Variants in MAGI2 observed in about 807,000 individuals in gnomAD.
The protein encoded by MAGI2 is membrane associated guanylate kinase, WW and PDZ domain containing 2.
MAGI2 carries 35 observed loss-of-function variants against 133.3 expected under a neutral mutation model. The observed-to-expected ratio is 0.26, with a 90% CI of 0.20 to 0.35. The LOEUF (loss-of-function observed/expected upper bound fraction) is 0.35, where lower values mean the gene tolerates loss of function less well. Ranked by LOEUF, MAGI2 falls within the 10% of genes least tolerant of loss-of-function variation. The probability of loss-of-function intolerance (pLI) is 1.00; values close to 1 mark genes in which losing one functional copy is unlikely to be tolerated. For synonymous variants in MAGI2, 729 were observed against 710.6 expected (o/e 1.03, Z -0.41); for missense variants, 1,636 against 1,863.4 (o/e 0.88, Z 2.25).
In MAGI2 at chr7:79,196,912, C is replaced by T. The variant is rs372618129; in HGVS notation, c.302-189706G>A. ...CCTCCCAAGTAGCTGGGACTACAGG[C>T]TCACACCACCATGCCTAGTTAATTT... On this transcript the variant is annotated intron_variant, in intron 1 of 21. Coordinates refer to ENST00000354212, the MANE Select transcript of MAGI2 (RefSeq NM_012301.4). Among the ~76,000 whole-genome samples, 532 of 151,902 alleles carry T rather than the reference C, an allele frequency of 3.5e-3. 9 individuals are homozygous for T. Among genetic ancestry groups the T allele is most frequent in the African/African-American group, 0.012 (516 of 41,290 alleles).
intron 1 of MAGI2, among the ~76,000 whole-genome samples, chr7:79,290,344 G>GGA (rs967709280): frequency 8.0e-5 from 7 of 86,986 alleles, no homozygotes; most frequent in Admixed American, 5.4e-4. Flanking sequence ...ATACAATTGT[G>GGA]GATATATATA....
At chr7:79,409,983 G>A (rs1846042526) in intron 1 of MAGI2, 1 of 151,846 alleles carries the variant, frequency 6.6e-6, no homozygotes, top group Admixed American at 6.6e-5. Flanking sequence ...ATATTTGATG[G>A]GAAGAATAGA....
chr7:78,282,713 G>A (rs1437160802), intron 9 of MAGI2, among the ~76,000 whole-genome samples: 1 of 152,046 alleles, frequency 6.6e-6, no homozygotes, highest in East Asian at 1.9e-4. Flanking sequence ...ATATAATTCT[G>A]AAATAAAATG....
chr7:78,396,122 C>T (rs150422823), intron 6 of MAGI2, among the ~76,000 whole-genome samples: 5 of 152,240 alleles, frequency 3.3e-5, no homozygotes, highest in African/African-American at 9.6e-5. Flanking sequence ...AGAGGGTGCA[C>T]CTGTAGTTTT....
At chr7:79,135,742 A>T (rs1249531348) in intron 1 of MAGI2, among the ~76,000 whole-genome samples, 1 of 151,788 alleles carries the variant, frequency 6.6e-6, no homozygotes, top group Non-Finnish European at 1.5e-5. Flanking sequence ...GGAGTCCGAG[A>T]TGAGCCTGGG....
intron 6 of MAGI2, among the ~76,000 whole-genome samples, chr7:78,481,123 G>A (rs987053291): frequency 6.6e-6 from 1 of 151,892 alleles, no homozygotes; most frequent in Non-Finnish European, 1.5e-5. Context: ...ATTTTGATAA[G>A]AGTAAAGTAG....
intron 1 of MAGI2, among the ~76,000 whole-genome samples, chr7:79,202,932 C>G (rs1380107498): frequency 6.6e-6 from 1 of 152,004 alleles, no homozygotes; most frequent in Non-Finnish European, 1.5e-5. Flanking sequence ...TACTTGACAT[C>G]TTCACTTGCC....
chr7:78,249,838 G>A (rs1407004390), intron 10 of MAGI2, among the ~76,000 whole-genome samples: 2 of 152,048 alleles, frequency 1.3e-5, no homozygotes, highest in East Asian at 3.8e-4. Flanking sequence ...TTTCAAAGTA[G>A]ATAGAGGATT....
chr7:78,789,761 CTTG>C (rs1827114435), intron 2 of MAGI2, among the ~76,000 whole-genome samples: 3 of 152,138 alleles, frequency 2.0e-5, no homozygotes, highest in Admixed American at 1.3e-4. Flanking sequence ...CTGTAGTCAC[CTTG>C]TTGTGCTATC....
intron 6 of MAGI2, among the ~76,000 whole-genome samples, chr7:78,413,364 A>G (rs111657157): frequency 2.0e-5 from 3 of 152,234 alleles, no homozygotes; most frequent in African/African-American, 7.2e-5. Flanking sequence ...TTTATATTTC[A>G]CAAGTATACA....
intron 2 of MAGI2, among the ~76,000 whole-genome samples, chr7:78,887,068 G>T (rs1308776452): frequency 6.6e-6 from 1 of 152,066 alleles, no homozygotes; most frequent in Non-Finnish European, 1.5e-5. Context: ...GTTTCGTGAG[G>T]CCTCCCCAGC....
intron 9 of MAGI2, among the ~76,000 whole-genome samples, chr7:78,315,325 C>T (rs1055387878): frequency 6.6e-6 from 1 of 152,184 alleles, no homozygotes; most frequent in African/African-American, 2.4e-5. Flanking sequence ...ATCACACTAA[C>T]TGGCATATAC....
chr7:79,386,163 A>G (rs62458987), intron 1 of MAGI2, among the ~76,000 whole-genome samples: 19,537 of 151,950 alleles, frequency 0.13, 1,375 homozygotes, highest in Middle Eastern at 0.19. Context: ...AATAATTTAT[A>G]CTAATGGTTA....
chr7:78,125,611 C>T, intron 20 of MAGI2, 83 bp downstream of exon 20: 1 of 1,443,130 alleles, frequency 6.9e-7, no homozygotes, highest in Non-Finnish European at 9.5e-7. Context: ...CCCCGCTTGA[C>T]AGCATGCTTC....
chr7:78,553,964 T>A (rs1304398727), intron 3 of MAGI2, among the ~76,000 whole-genome samples: 3 of 152,074 alleles, frequency 2.0e-5, no homozygotes, highest in African/African-American at 7.2e-5. Flanking sequence ...TGAAGTGGGA[T>A]TTGTATTAGG....
At chr7:79,433,701 T>C (rs989248531) in intron 1 of MAGI2, among the ~76,000 whole-genome samples, 7 of 152,186 alleles carry the variant, frequency 4.6e-5, no homozygotes, top group Admixed American at 2.0e-4. Context: ...TTTTAAATTG[T>C]TGCCCCTAAG....
At chr7:79,174,498 A>G (rs1825912560) in intron 1 of MAGI2, among the ~76,000 whole-genome samples, 9 of 151,956 alleles carry the variant, frequency 5.9e-5, no homozygotes, top group Admixed American at 5.3e-4. Flanking sequence ...ATTACAACAA[A>G]ATACCTTTAA....
intron 2 of MAGI2, among the ~76,000 whole-genome samples, chr7:78,955,757 C>CTTTCTTTCTTTCT: frequency 2.9e-5 from 2 of 69,696 alleles, no homozygotes; most frequent in Admixed American, 1.4e-4. Flanking sequence ...TTCTTTCTTT[C>CTTTCTTTCTTTCT]TTTCTTTCTT....
At chr7:79,024,185 C>A (rs182729440) in intron 1 of MAGI2, among the ~76,000 whole-genome samples, 487 of 152,132 alleles carry the variant, frequency 3.2e-3, no homozygotes, top group Non-Finnish European at 5.5e-3. Flanking sequence ...TTCCCCACAC[C>A]TACAATCATC....
Sources: gnomAD v4.1 joint callset for allele counts (sites outside exome capture counted in the v4.1 genomes callset) on GRCh38, gnomAD v4.1.1 for gene constraint, MANE v1.5 for transcripts, NCBI Gene and HGNC (gene_info 2026-07-23, HGNC 2026-07-21) for gene names.